Variants in CLVS1 observed in about 807,000 individuals in gnomAD.
The protein encoded by CLVS1 is clavesin 1.
In CLVS1, 10 loss-of-function variants were observed where a neutral mutation model predicts 33.1. The observed-to-expected ratio is 0.30, with a 90% CI of 0.19 to 0.51. CLVS1 has a LOEUF of 0.51. CLVS1 is among the 20% of genes least tolerant of loss of function. CLVS1 has a pLI of 0.97. For synonymous variants in CLVS1, 163 were observed against 166.1 expected (o/e 0.98, Z 0.14); for missense variants, 343 against 433.4 (o/e 0.79, Z 1.85).
At chr8:61,005,786 G>A in the CLVS1 span, among the ~76,000 whole-genome samples, 1 of 152,156 alleles carries the variant, frequency 6.6e-6, no homozygotes. Context: ...GAATGCCAGT[G>A]TGCCCACTGA....
At chr8:61,280,503 C>T (rs1189931784) in intron 2 of CLVS1, among the ~76,000 whole-genome samples, 1 of 152,184 alleles carries the variant, frequency 6.6e-6, no homozygotes, top group African/African-American at 2.4e-5. Flanking sequence ...GGGTTACAAT[C>T]CCAGCTGCTC....
rs539317217 is a variant in CLVS1, at chr8:61,066,528, A to G, written c.-243+9298A>G. Among the ~76,000 whole-genome samples, 8 of 152,246 alleles carry G rather than the reference A, an allele frequency of 5.3e-5. No homozygotes were observed. In the East Asian group the frequency reaches 1.5e-3, roughly 29 times the overall value. Reference sequence around the variant, plus strand: ...AAAAAGAAAAAGTGCTAGTGTTCCTAGATTGATGGCTATAAAATGGCTTTT... The same window carrying G: ...AAAAAGAAAAAGTGCTAGTGTTCCTGGATTGATGGCTATAAAATGGCTTTT... On this transcript the variant is annotated intron_variant, in intron 1 of 2. Coordinates refer to the CLVS1 transcript ENST00000522621.
chr8:61,026,670 C>A, the CLVS1 span, among the ~76,000 whole-genome samples: 1 of 152,172 alleles, frequency 6.6e-6, no homozygotes, highest in African/African-American at 2.4e-5. Context: ...CATGTGTAAA[C>A]CATGGCTAAT....
At chr8:61,361,660 C>T (rs1356225587) in intron 2 of CLVS1, among the ~76,000 whole-genome samples, 1 of 152,158 alleles carries the variant, frequency 6.6e-6, no homozygotes, top group Non-Finnish European at 1.5e-5. Context: ...ATTGCATTCA[C>T]CTTATTAGGA....
intron 2 of CLVS1, among the ~76,000 whole-genome samples, chr8:61,199,342 T>C (rs1195037470): frequency 1.3e-5 from 2 of 152,064 alleles, no homozygotes; most frequent in African/African-American, 4.8e-5. Flanking sequence ...GGAGAAGATA[T>C]TTGCCAACTA....
chr8:61,299,610 A>G (rs1410207450), intron 1 of CLVS1, 67 bp from the exon 2 acceptor site: 7 of 539,382 alleles, frequency 1.3e-5, no homozygotes, highest in Non-Finnish European at 2.0e-5. Flanking sequence ...CTAAGCTCCA[A>G]TTAATTTGCC....
At chr8:61,073,358 T>C (rs921487349) in intron 1 of CLVS1, among the ~76,000 whole-genome samples, 10 of 152,244 alleles carry the variant, frequency 6.6e-5, no homozygotes, top group African/African-American at 2.4e-4. Flanking sequence ...AGATTTCCTT[T>C]CATTGGCTTT....
At chr8:61,112,060 A>C (rs932844052) in intron 1 of CLVS1, among the ~76,000 whole-genome samples, 12 of 152,186 alleles carry the variant, frequency 7.9e-5, no homozygotes, top group Non-Finnish European at 2.9e-5. Flanking sequence ...TAGTTAACTA[A>C]AGTTGTGAAT....
At chr8:61,366,155 C>G (rs1475455411) in intron 2 of CLVS1, among the ~76,000 whole-genome samples, 1 of 152,160 alleles carries the variant, frequency 6.6e-6, no homozygotes, top group Non-Finnish European at 1.5e-5. Context: ...CTTCTGCTTT[C>G]TTCTGCTGCT....
intron 1 of CLVS1, among the ~76,000 whole-genome samples, chr8:61,105,147 A>G (rs545379769): frequency 1.3e-5 from 2 of 152,330 alleles, no homozygotes; most frequent in African/African-American, 2.4e-5. Flanking sequence ...TTTTAATTTA[A>G]AAGACTAACT....
At chr8:61,163,391 A>G (rs1397805490) in intron 2 of CLVS1, among the ~76,000 whole-genome samples, 3 of 152,210 alleles carry the variant, frequency 2.0e-5, no homozygotes, top group Non-Finnish European at 4.4e-5. Flanking sequence ...CGTCAGTACA[A>G]AAATAAGTAC....
intron 2 of CLVS1, among the ~76,000 whole-genome samples, chr8:61,340,034 GAAAA>G (rs757218689): frequency 9.1e-5 from 11 of 121,436 alleles, no homozygotes; most frequent in Non-Finnish European, 1.8e-4. Flanking sequence ...GGAAAAGAAA[GAAAA>G]AAGGAAGGAA....
chr8:60,971,276 G>A, the CLVS1 span, among the ~76,000 whole-genome samples: 2 of 152,044 alleles, frequency 1.3e-5, no homozygotes, highest in East Asian at 3.9e-4. Context: ...ATAGGGTTTC[G>A]CCATGTTGCC....
intron 2 of CLVS1, among the ~76,000 whole-genome samples, chr8:61,173,273 T>G (rs1322649010): frequency 6.6e-6 from 1 of 152,190 alleles, no homozygotes; most frequent in Non-Finnish European, 1.5e-5. Context: ...GAAAATGAAG[T>G]TAGATTGAAG....
chr8:61,190,061 A>T (rs903325704), intron 2 of CLVS1, among the ~76,000 whole-genome samples: 4 of 152,228 alleles, frequency 2.6e-5, no homozygotes, highest in African/African-American at 9.6e-5. Flanking sequence ...CCAAATCAAC[A>T]GAATATACAT....
the CLVS1 span, among the ~76,000 whole-genome samples, chr8:61,037,337 A>G: frequency 6.6e-6 from 1 of 152,024 alleles, no homozygotes; most frequent in Non-Finnish European, 1.5e-5. Flanking sequence ...TTCTATCTTT[A>G]TCAATTTGAC....
intron 3 of CLVS1, among the ~76,000 whole-genome samples, chr8:61,415,641 T>G (rs1046576990): frequency 6.6e-6 from 1 of 152,208 alleles, no homozygotes; most frequent in Non-Finnish European, 1.5e-5. Flanking sequence ...AACTGTAGTA[T>G]TCCAGGGGCC....
the CLVS1 span, among the ~76,000 whole-genome samples, chr8:61,002,102 C>T: frequency 1.3e-5 from 2 of 152,062 alleles, no homozygotes; most frequent in Non-Finnish European, 2.9e-5. Context: ...CCTCACCCTC[C>T]TGAGTAGCTG....
the CLVS1 span, among the ~76,000 whole-genome samples, chr8:60,997,561 TAGGGGGAG>T: frequency 1.3e-5 from 2 of 152,178 alleles, no homozygotes; most frequent in Non-Finnish European, 2.9e-5. Flanking sequence ...TGGAGTCAAA[TAGGGGGAG>T]GGTGGCTGAC....
Sources: gnomAD v4.1 joint callset for allele counts (sites outside exome capture counted in the v4.1 genomes callset) on GRCh38, gnomAD v4.1.1 for gene constraint, MANE v1.5 for transcripts, NCBI Gene and HGNC (gene_info 2026-07-23, HGNC 2026-07-21) for gene names.